Variants in NT5C3A observed in about 807,000 individuals in gnomAD.
NT5C3A encodes the protein 5'-nucleotidase, cytosolic IIIA.
A neutral mutation model predicts 40.0 loss-of-function variants in NT5C3A; 23 were observed. The ratio of observed to expected loss-of-function variants is 0.58; its 90% CI spans 0.41 to 0.81. The LOEUF (loss-of-function observed/expected upper bound fraction) is 0.81, where lower values mean the gene tolerates loss of function less well. Ranked by LOEUF, NT5C3A falls within the 40% of genes least tolerant of loss-of-function variation. The pLI, the probability that NT5C3A is intolerant of heterozygous loss-of-function variation, is 0.00. For synonymous variants in NT5C3A, 130 were observed against 141.4 expected (o/e 0.92, Z 0.57); for missense variants, 328 against 403.0 (o/e 0.81, Z 1.59).
At chr7:33,029,612 T>G (rs1409056535) in intron 1 of NT5C3A, 29 of 1,252,380 alleles carry the variant, frequency 2.3e-5, no homozygotes, top group Non-Finnish European at 2.9e-5. Flanking sequence ...GATTTCAGTG[T>G]ACCCAAGATG....
In NT5C3A at chr7:33,015,735, A is replaced by G. The variant is rs745698325; in HGVS notation, c.829T>C (p.Leu277=). The G allele has an allele frequency of 6.2e-7, 1 of 1,612,342 alleles. No homozygotes were observed. Among genetic ancestry groups the G allele is most frequent in the South Asian group, 1.1e-5 (1 of 91,034 alleles). ...TTGGCCACTCCATCTGCCATTCTTA[A>G]GTCTCCTTGGGAGTCTCCCAGAAGA... is the stretch of plus-strand genomic sequence containing the variant. ...IILLGDSQGD[L]RMADGVANVE... is the part of the protein sequence containing the mutation. Residue 277 remains leucine, a synonymous_variant, in exon 8 of 9, where the codon TTA becomes CTA. Transcript: ENST00000610140.
chr7:33,024,538 A>G (rs891936862), intron 2 of NT5C3A, among the ~76,000 whole-genome samples: 2 of 152,134 alleles, frequency 1.3e-5, no homozygotes, highest in Non-Finnish European at 2.9e-5. Context: ...AAAGACGGTT[A>G]CCAGAGGCTG....
At chr7:33,025,299 C>A (rs1308729877) in intron 2 of NT5C3A, among the ~76,000 whole-genome samples, 1 of 152,152 alleles carries the variant, frequency 6.6e-6, no homozygotes, top group Non-Finnish European at 1.5e-5. Flanking sequence ...GGAAGCAATT[C>A]AACTATATGA....
At chr7:33,024,868 G>A (rs1165364980) in intron 2 of NT5C3A, among the ~76,000 whole-genome samples, 2 of 152,172 alleles carry the variant, frequency 1.3e-5, no homozygotes, top group African/African-American at 2.4e-5. Context: ...AGCCAGGCAC[G>A]GTGGCTCATG....
intron 1 of NT5C3A, chr7:33,036,505 CAT>C (rs1786613448): frequency 6.3e-6 from 1 of 159,584 alleles, no homozygotes; most frequent in South Asian, 1.8e-4. Flanking sequence ...CTCTATCCAG[CAT>C]AGTTTTAGAT....
At chr7:33,039,562 G>GTT (rs770430109) in intron 1 of NT5C3A, among the ~76,000 whole-genome samples, 8 of 120,550 alleles carry the variant, frequency 6.6e-5, no homozygotes, top group Admixed American at 1.0e-4. Context: ...TGGGTTTTTT[G>GTT]TTTTTTTTTT....
intron 1 of NT5C3A, among the ~76,000 whole-genome samples, chr7:33,043,833 T>G (rs564283367): frequency 3.2e-4 from 49 of 152,304 alleles, no homozygotes; most frequent in Non-Finnish European, 5.6e-4. Context: ...GACTAACATG[T>G]ATCAAGCACT....
At chr7:33,021,607 AAC>A (rs1216489331) in intron 4 of NT5C3A, among the ~76,000 whole-genome samples, 1 of 152,186 alleles carries the variant, frequency 6.6e-6, no homozygotes, top group Non-Finnish European at 1.5e-5. Context: ...CAGTACAAAA[AAC>A]ACTTTAGTTT....
At chr7:33,018,508 C>A (rs1489586166) in intron 6 of NT5C3A, among the ~76,000 whole-genome samples, 1 of 152,188 alleles carries the variant, frequency 6.6e-6, no homozygotes, top group African/African-American at 2.4e-5. Flanking sequence ...GTAACATCAT[C>A]ATATTTGCCT....
At chr7:33,015,618 A>T (rs72555747) in intron 8 of NT5C3A, 52 bp downstream of exon 8, 1 of 1,196,656 alleles carries the variant, frequency 8.4e-7, no homozygotes, top group Admixed American at 1.8e-5. Flanking sequence ...ATTGCCTATC[A>T]AGTTTCATCC....
intron 1 of NT5C3A, among the ~76,000 whole-genome samples, chr7:33,061,671 T>C (rs1039108218): frequency 1.3e-5 from 2 of 152,198 alleles, no homozygotes; most frequent in Admixed American, 1.3e-4. Flanking sequence ...TATTATTTAG[T>C]GTAGATTTTA....
chr7:33,044,485 A>G (rs749497487), intron 1 of NT5C3A, among the ~76,000 whole-genome samples: 5 of 152,194 alleles, frequency 3.3e-5, no homozygotes, highest in African/African-American at 4.8e-5. Context: ...CTCTGTACAC[A>G]ATAAATGGGG....
At chr7:33,048,218 G>T (rs960332704) in intron 1 of NT5C3A, among the ~76,000 whole-genome samples, 1 of 150,740 alleles carries the variant, frequency 6.6e-6, no homozygotes, top group Admixed American at 6.6e-5. Flanking sequence ...TGATGTATTT[G>T]ATTTTTAGTA....
intron 1 of NT5C3A, among the ~76,000 whole-genome samples, chr7:33,055,804 A>G (rs10281012): frequency 0.72 from 110,270 of 152,118 alleles, 40,240 homozygotes; most frequent in African/African-American, 0.79. Flanking sequence ...TCTCTTAGTC[A>G]AGTGCAACTA....
At chr7:33,024,210 G>T in intron 2 of NT5C3A, 102 bp from the exon 3 acceptor site, 1 of 721,938 alleles carries the variant, frequency 1.4e-6, no homozygotes. Flanking sequence ...TAGATGCATA[G>T]GACTGTGCTC....
chr7:33,026,657 A>AT lies in NT5C3A; in HGVS notation c.237+159dup, dbSNP rs34317509. On this transcript the variant is annotated intron_variant, in intron 2 of 8. Transcript: ENST00000610140. Reference sequence around the variant, plus strand: ...CAGGTGTGAGCCACTATGCCCGGCCATTTTTTTTTTTTTTTAAATAGAGAT... The same window carrying AT: ...CAGGTGTGAGCCACTATGCCCGGCCATTTTTTTTTTTTTTTTAAATAGAGAT... 9.7e-3 allele frequency among the ~76,000 whole-genome samples: 1,318 copies of AT among 136,116 alleles called. 9 individuals are homozygous for AT. The highest frequency in any genetic ancestry group is 0.038 in the Middle Eastern group (10 of 260). The allele number at this position is 136,116 out of a possible 152,430, so 89.3% of individuals were successfully genotyped here.
chr7:33,055,549 G>C (rs578189901), intron 1 of NT5C3A, among the ~76,000 whole-genome samples: 1 of 152,260 alleles, frequency 6.6e-6, no homozygotes, highest in African/African-American at 2.4e-5. Flanking sequence ...AATTCAGCTT[G>C]ACTGAAATAG....
intron 1 of NT5C3A, among the ~76,000 whole-genome samples, chr7:33,056,284 TAA>T (rs1787562023): frequency 6.6e-6 from 1 of 151,710 alleles, no homozygotes; most frequent in Admixed American, 6.6e-5. Flanking sequence ...AAACAGGTCC[TAA>T]AAAGTCATAA....
At chr7:33,016,750 C>G (rs1785353131) in intron 7 of NT5C3A, among the ~76,000 whole-genome samples, 1 of 151,234 alleles carries the variant, frequency 6.6e-6, no homozygotes, top group Non-Finnish European at 1.5e-5. Context: ...ACCAAAATAT[C>G]CTATTTTATG....
Sources: gnomAD v4.1 joint callset for allele counts (sites outside exome capture counted in the v4.1 genomes callset) on GRCh38, gnomAD v4.1.1 for gene constraint, MANE v1.5 for transcripts, NCBI Gene and HGNC (gene_info 2026-07-23, HGNC 2026-07-21) for gene names.